Variants in HIP1 observed in about 807,000 individuals in gnomAD.
The protein encoded by HIP1 is huntingtin interacting protein 1, also known as huntingtin-interacting protein 1.
Under a neutral mutation model 147.6 loss-of-function variants are expected in HIP1, and 65 were observed. The observed-to-expected ratio is 0.44, with a 90% CI of 0.36 to 0.54. The LOEUF is 0.54. HIP1 is among the 20% of genes least tolerant of loss of function. HIP1 has a pLI of 0.00. For missense variants in HIP1, 1,061 were observed against 1,299.6 expected, an observed-to-expected ratio of 0.82 and a Z score of 2.82; for synonymous variants, 479 against 504.0, an observed-to-expected ratio of 0.95 and a Z score of 0.67.
At chr7:75,724,256 T>C (rs1801588182) in intron 1 of HIP1, among the ~76,000 whole-genome samples, 1 of 139,230 alleles carries the variant, frequency 7.2e-6, no homozygotes, top group East Asian at 2.3e-4. Context: ...CCCAGCCTAT[T>C]TTTATTTTTT....
At chr7:75,540,545 A>G (rs1554489665) in intron 29 of HIP1, among the ~76,000 whole-genome samples, 1 of 151,900 alleles carries the variant, frequency 6.6e-6, no homozygotes, top group Non-Finnish European at 1.5e-5. Context: ...CAGGAGTTTG[A>G]GGCTGCAGTG....
intron 2 of HIP1, among the ~76,000 whole-genome samples, chr7:75,596,235 CAAAA>C (rs10658504): frequency 5.0e-5 from 3 of 59,600 alleles, no homozygotes; most frequent in African/African-American, 6.6e-5. Context: ...GACCCTGCCT[CAAAA>C]AAAAAAAAAA....
intron 1 of HIP1, among the ~76,000 whole-genome samples, chr7:75,679,936 C>T (rs1442203708): frequency 1.3e-5 from 2 of 152,190 alleles, no homozygotes; most frequent in Admixed American, 6.6e-5. Flanking sequence ...ATCCTTCTTT[C>T]GGCTGCAGAC....
chr7:75,614,691 A>G (rs587653673), intron 1 of HIP1, among the ~76,000 whole-genome samples: 12 of 152,112 alleles, frequency 7.9e-5, no homozygotes, highest in Admixed American at 1.3e-4. Context: ...TTAATTATAC[A>G]CTTGAATTTG....
intron 1 of HIP1, among the ~76,000 whole-genome samples, chr7:75,600,168 T>C (rs146939960): frequency 0.019 from 2,850 of 151,934 alleles, 31 homozygotes; most frequent in African/African-American, 0.024. Flanking sequence ...TAGAGTGCAG[T>C]GGTGTGATCG....
Position 75,664,178 on chromosome 7 carries a change from GTACA to G in HIP1, c.121-64935_121-64932del, listed in dbSNP as rs1167495247. Reference sequence around the variant, plus strand: ...TGTGTGTATATTTACATACATATATGTACATACATATATACACACATATACATAT... The same window carrying G: ...TGTGTGTATATTTACATACATATATGTACATATATACACACATATACATAT... On this transcript the variant is annotated intron_variant, in intron 1 of 30. Coordinates refer to ENST00000336926, the MANE Select transcript of HIP1 (RefSeq NM_005338.7). 1.9e-4 allele frequency among the ~76,000 whole-genome samples: 15 copies of G among 80,958 alleles called. 1 individual carries two copies. The highest frequency in any genetic ancestry group is 9.6e-4 in the African/African-American group (15 of 15,584). The allele number at this position is 80,958 out of a possible 152,430, so 53.1% of individuals were successfully genotyped here. A position where few individuals can be genotyped will look rare whatever the true frequency, so the allele number is the denominator to read the frequency against.
At position 75,555,435 on chromosome 7, in the gene HIP1, G is replaced by A. The variant is rs1201081897; in HGVS notation, c.1944C>T (p.Ile648=). 1.2e-6 allele frequency: 2 copies of A among 1,613,892 alleles called. No individual in the cohort carries two copies. Among genetic ancestry groups the A allele is most frequent in the Non-Finnish European group, 8.5e-7 (1 of 1,180,042 alleles). ...ALNQLEEPPL[I]SCAGSADHLL... ...GTGTACCTGCAGACCCAGCGCAGCT[G>A]ATGAGAGGAGGTTCTTCAAGCTGGT... Residue 648 remains isoleucine, a synonymous_variant, in exon 19 of 31, where the codon ATC becomes ATT. Transcript: ENST00000336926.
At chr7:75,683,230 C>G (rs1445295249) in intron 1 of HIP1, among the ~76,000 whole-genome samples, 1 of 152,022 alleles carries the variant, frequency 6.6e-6, no homozygotes, top group Non-Finnish European at 1.5e-5. Context: ...ATCCACCTGC[C>G]TCAGCCTCCC....
chr7:75,560,953 A>ATTT (rs11438714), intron 13 of HIP1, among the ~76,000 whole-genome samples: 12 of 140,058 alleles, frequency 8.6e-5, no homozygotes, highest in South Asian at 2.3e-4. Context: ...AGGTGATGCA[A>ATTT]TTTTTTTTTT....
intron 1 of HIP1, among the ~76,000 whole-genome samples, chr7:75,715,814 T>A: frequency 7.3e-6 from 1 of 136,974 alleles, no homozygotes; most frequent in Admixed American, 7.5e-5. Flanking sequence ...TCTATCTGGC[T>A]CACAGTTCTG....
At chr7:75,712,603 T>C (rs188039368) in intron 1 of HIP1, among the ~76,000 whole-genome samples, 1 of 152,254 alleles carries the variant, frequency 6.6e-6, no homozygotes, top group East Asian at 1.9e-4. Context: ...CAATCATTCA[T>C]TCACTCATTC....
chr7:75,656,395 G>A (rs1490855112), intron 1 of HIP1, among the ~76,000 whole-genome samples: 5 of 148,482 alleles, frequency 3.4e-5, no homozygotes, highest in Admixed American at 6.8e-5. Context: ...CCTAGCTTGC[G>A]TAAGGAGCCA....
intron 8 of HIP1, among the ~76,000 whole-genome samples, chr7:75,572,245 T>C (rs1394403655): frequency 5.5e-5 from 8 of 145,748 alleles, no homozygotes; most frequent in Admixed American, 3.4e-4. Flanking sequence ...AAAAAAAAAG[T>C]GTAAGAACTT....
chr7:75,601,343 C>A (rs807866), intron 1 of HIP1, among the ~76,000 whole-genome samples: 1 of 151,950 alleles, frequency 6.6e-6, no homozygotes, highest in South Asian at 2.1e-4. Flanking sequence ...AATCCCAGCA[C>A]TTTGGGAGGC....
At chr7:75,541,872 A>G (rs1554489952) in intron 29 of HIP1, 47 bp downstream of exon 29, 3 of 1,351,276 alleles carry the variant, frequency 2.2e-6, no homozygotes. Flanking sequence ...TTCAGAGTCC[A>G]TGTCTAGGCA....
At position 75,533,495 on chromosome 7, in the gene HIP1, G is replaced by C; in HGVS notation, c.*4677C>G. On this transcript the variant is annotated 3_prime_UTR_variant, in exon 31 of 31. Coordinates refer to ENST00000336926, the MANE Select transcript of HIP1 (RefSeq NM_005338.7). ...ACCCTAATGGAAACCCAGGGGAAAG[G>C]TTAAAAACAGAAGAAAAACAAACCC... 1 of 232,120 alleles carries C rather than the reference G, an allele frequency of 4.3e-6. No individual in the cohort carries two copies. Among genetic ancestry groups the C allele is most frequent in the Non-Finnish European group, 8.5e-6 (1 of 117,392 alleles). 14.4% of individuals were successfully genotyped at this position (232,120 alleles called of 1,614,324 possible). A position where few individuals can be genotyped will look rare whatever the true frequency, so the allele number is the denominator to read the frequency against.
chr7:75,541,925 A>ATC lies in HIP1; in HGVS notation c.2944_2945dup (p.Asp982GlufsTer8). 1.9e-6 allele frequency: 3 copies of ATC among 1,610,522 alleles called. No homozygotes were observed. The highest frequency in any genetic ancestry group is 2.5e-6 in the Non-Finnish European group (3 of 1,176,704). ...TTACAGATGGAGCTCTCACCTGAGA[A>ATC]TCCATCTCTTGGCGTTTGATCTGTG... is the stretch of plus-strand genomic sequence containing the variant. On this transcript the variant is annotated frameshift_variant, in exon 29 of 31. Transcript: ENST00000336926. LOFTEE classifies it high-confidence loss of function.
chr7:75,732,566 A>C (rs545207729), intron 1 of HIP1, among the ~76,000 whole-genome samples: 1 of 152,142 alleles, frequency 6.6e-6, no homozygotes, highest in South Asian at 2.1e-4. Context: ...TTTTTTGTAG[A>C]GACAGGGTCT....
At chr7:75,691,557 G>T (rs548165183) in intron 1 of HIP1, among the ~76,000 whole-genome samples, 11 of 152,096 alleles carry the variant, frequency 7.2e-5, no homozygotes, top group African/African-American at 2.2e-4. Flanking sequence ...CCAGCACTTT[G>T]GGAGGCTGAG....
Sources: allele counts gnomAD v4.1 joint callset (sites outside exome capture counted in the v4.1 genomes callset), GRCh38; gene constraint gnomAD v4.1.1; transcripts MANE v1.5; gene names NCBI Gene and HGNC (gene_info 2026-07-23, HGNC 2026-07-21).